Variants in HS6ST2 observed in about 807,000 individuals in gnomAD.
HS6ST2 encodes heparan sulfate 6-O-sulfotransferase 2.
In HS6ST2, 17 loss-of-function variants were observed where a neutral mutation model predicts 33.0. The ratio of observed to expected loss-of-function variants is 0.52; its 90% CI spans 0.35 to 0.77. The LOEUF is 0.77. Among genes scored for constraint, HS6ST2 ranks in the 30% least tolerant of loss-of-function variants. The pLI is 0.01. For missense variants in HS6ST2, 519 were observed against 551.7 expected (o/e 0.94, Z 0.59); for synonymous variants, 248 against 237.1 (o/e 1.05, Z -0.42).
At chrX:132,933,193 T>A (rs1192181042) in intron 2 of HS6ST2, among the ~76,000 whole-genome samples, 1 of 108,948 alleles carries the variant, frequency 9.2e-6, no homozygotes, top group Non-Finnish European at 1.9e-5. Flanking sequence ...CCAGGCATGG[T>A]GGCATGCGTC....
chrX:132,656,437 G>T (rs2063730105), intron 4 of HS6ST2, among the ~76,000 whole-genome samples: 1 of 110,788 alleles, frequency 9.0e-6, no homozygotes, highest in Non-Finnish European at 1.9e-5. Flanking sequence ...CGGGGCTTTT[G>T]TATTTTTTAT....
At chrX:132,843,676 G>C in intron 2 of HS6ST2, among the ~76,000 whole-genome samples, 1 of 111,561 alleles carries the variant, frequency 9.0e-6, no homozygotes, top group Non-Finnish European at 1.9e-5. Context: ...CGAGGGGATT[G>C]TAGATGATAG....
chrX:132,810,469 G>GA (rs2065331004), intron 2 of HS6ST2, among the ~76,000 whole-genome samples: 1 of 109,567 alleles, frequency 9.1e-6, no homozygotes, highest in African/African-American at 3.3e-5. Flanking sequence ...AAGAGAGAAA[G>GA]AAAAAAATCA....
chrX:132,958,323 G>T lies in HS6ST2; in HGVS notation c.280C>A (p.Arg94Ser). The change falls in exon 1 of 5, where the codon CGC becomes AGC. Residue 94 changes from arginine (R) to serine (S), a missense_variant. Arg to Ser is a moderately radical substitution (Grantham distance 110). Transcript: ENST00000370833. ...CTGAGGACGTGCATCCGCCTGCGGC[G>T]GCCCCGGGACAGCAGCGCGAAAAGC... Reference protein sequence around the residue: ...APLFALLSRGRRRRMHVLRRR... With the variant: ...APLFALLSRGSRRRMHVLRRR... 3 of 1,197,339 alleles carry T rather than the reference G, an allele frequency of 2.5e-6. No homozygotes were observed. The highest frequency in any genetic ancestry group is 3.4e-6 in the Non-Finnish European group (3 of 893,386).
rs747002048 is a variant in HS6ST2 at position 132,657,812 on chromosome X, C to A, written c.1067+11301G>T. On this transcript the variant is annotated intron_variant, in intron 4 of 4. Coordinates refer to ENST00000370833, the MANE Select transcript of HS6ST2 (RefSeq NM_001394073.1). ...GCAAAAACTGCAATTACTTTTGCAC[C>A]AACCTAAGATTTTTCTGACAAATAT... Among the ~76,000 whole-genome samples, 187 of 105,253 alleles carry A rather than the reference C, an allele frequency of 1.8e-3. 1 individual carries two copies. The highest frequency in any genetic ancestry group is 5.8e-3 in the African/African-American group (169 of 28,913). 91.4% of individuals were successfully genotyped at this position (105,253 alleles called of 115,157 possible). A position where few individuals can be genotyped will look rare whatever the true frequency, so the allele number is the denominator to read the frequency against.
intron 2 of HS6ST2, among the ~76,000 whole-genome samples, chrX:132,860,279 G>A (rs929954405): frequency 1.8e-5 from 2 of 111,730 alleles, no homozygotes; most frequent in African/African-American, 6.5e-5. Flanking sequence ...GCCTCAGATG[G>A]GCTTTTTCCA....
chrX:132,646,307 G>C, intron 4 of HS6ST2, among the ~76,000 whole-genome samples: 1 of 110,841 alleles, frequency 9.0e-6, no homozygotes, highest in East Asian at 2.8e-4. Context: ...AGGAGATAAG[G>C]AGTACGGGGT....
intron 2 of HS6ST2, among the ~76,000 whole-genome samples, chrX:132,899,737 G>A (rs1296057313): frequency 9.0e-6 from 1 of 111,561 alleles, no homozygotes; most frequent in East Asian, 2.8e-4. Flanking sequence ...AAATGCGCAA[G>A]TCTAAAAATT....
In HS6ST2 at chrX:132,793,469, T is replaced by C. The variant is rs143877724; in HGVS notation, c.948-84975A>G. On this transcript the variant is annotated intron_variant, in intron 2 of 4. Coordinates refer to ENST00000370833, the MANE Select transcript of HS6ST2 (RefSeq NM_001394073.1). Reference sequence around the variant, plus strand: ...GAAACAGTACTGAAAGAGAGAGAGATGAGGAGAGAGTGTTTTCTTCTAATG... The same window carrying C: ...GAAACAGTACTGAAAGAGAGAGAGACGAGGAGAGAGTGTTTTCTTCTAATG... 3.6e-3 allele frequency among the ~76,000 whole-genome samples: 405 copies of C among 111,259 alleles called. 1 individual carries two copies. The highest frequency in any genetic ancestry group is 0.012 in the African/African-American group (358 of 30,620).
At chrX:132,919,127 A>G (rs1344393578) in intron 2 of HS6ST2, among the ~76,000 whole-genome samples, 1 of 112,241 alleles carries the variant, frequency 8.9e-6, no homozygotes, top group Non-Finnish European at 1.9e-5. Flanking sequence ...CCAATTCTCC[A>G]TAGTTAACCA....
intron 2 of HS6ST2, among the ~76,000 whole-genome samples, chrX:132,830,558 C>A (rs1240012673): frequency 8.9e-6 from 1 of 112,367 alleles, no homozygotes; most frequent in Non-Finnish European, 1.9e-5. Flanking sequence ...CATTCTTCAT[C>A]ATCCCCTGCT....
chrX:132,930,198 G>A (rs777874120), intron 2 of HS6ST2, among the ~76,000 whole-genome samples: 1 of 110,539 alleles, frequency 9.0e-6, no homozygotes, highest in South Asian at 3.9e-4. Flanking sequence ...GCCTTGCTCT[G>A]TCGTCCAGGC....
At chrX:132,752,328 C>T (rs773232021) in intron 2 of HS6ST2, among the ~76,000 whole-genome samples, 1 of 110,082 alleles carries the variant, frequency 9.1e-6, no homozygotes, top group Admixed American at 9.7e-5. Flanking sequence ...AAAATTTAGC[C>T]GGGTGTGGTG....
intron 2 of HS6ST2, among the ~76,000 whole-genome samples, chrX:132,714,339 G>A (rs1214954280): frequency 4.6e-5 from 5 of 109,575 alleles, no homozygotes; most frequent in Non-Finnish European, 7.6e-5. Flanking sequence ...TTTTTTAGAG[G>A]GAGTCTCCCT....
intron 2 of HS6ST2, among the ~76,000 whole-genome samples, chrX:132,799,800 T>C (rs762779334): frequency 1.3e-4 from 15 of 111,797 alleles, no homozygotes; most frequent in African/African-American, 4.9e-4. Context: ...GGGGATAATA[T>C]AATTATCAAC....
rs138643878 is a variant in HS6ST2 at position 132,818,196 on chromosome X, C to T, written c.948-109702G>A. On this transcript the variant is annotated intron_variant, in intron 2 of 4. Coordinates refer to ENST00000370833, the MANE Select transcript of HS6ST2 (RefSeq NM_001394073.1). ...AGTTATTAATAGTTGTACTGTGTGA[C>T]ACTCTTTCGGCTTTCAAGAGAGACG... is the stretch of plus-strand genomic sequence containing the variant. Among the ~76,000 whole-genome samples, 877 of 111,079 alleles carry T rather than the reference C, an allele frequency of 7.9e-3. 4 individuals carry two copies. The highest frequency in any genetic ancestry group is 0.023 in the Middle Eastern group (5 of 215).
chrX:132,875,270 A>ATC (rs2066099487), intron 2 of HS6ST2, among the ~76,000 whole-genome samples: 1 of 111,493 alleles, frequency 9.0e-6, no homozygotes, highest in African/African-American at 3.3e-5. Flanking sequence ...AGTGAGCGAA[A>ATC]AGGGCAAACT....
chrX:132,906,357 C>G (rs981760703), intron 2 of HS6ST2, among the ~76,000 whole-genome samples: 1 of 111,923 alleles, frequency 8.9e-6, no homozygotes, highest in African/African-American at 3.2e-5. Context: ...AATTTATATC[C>G]AACTTCTTAA....
At chrX:132,660,796 T>C (rs749539747) in intron 4 of HS6ST2, among the ~76,000 whole-genome samples, 4 of 112,093 alleles carry the variant, frequency 3.6e-5, no homozygotes, top group African/African-American at 6.5e-5. Context: ...GCTATTTGTA[T>C]TAGTCCGTTC....
Sources: gnomAD v4.1 joint callset for allele counts (sites outside exome capture counted in the v4.1 genomes callset) on GRCh38, gnomAD v4.1.1 for gene constraint, MANE v1.5 for transcripts, NCBI Gene and HGNC (gene_info 2026-07-23, HGNC 2026-07-21) for gene names.